DARS1: variants seen among roughly 807,000 people sequenced by gnomAD.
DARS1 encodes the protein aspartyl-tRNA synthetase 1.
DARS1 carries 51 observed loss-of-function variants against 68.8 expected under a neutral mutation model. That is an observed-to-expected ratio of 0.74 (90% CI 0.59 to 0.94). DARS1 has a LOEUF of 0.94. DARS1 is among the 40% of genes least tolerant of loss of function. DARS1 has a pLI of 0.00. For missense variants in DARS1, 607 were observed against 597.3 expected (o/e 1.02, Z -0.17); for synonymous variants, 203 against 190.4 (o/e 1.07, Z -0.55).
chr2:135,977,526 C>G (rs1419919144), intron 3 of DARS1, among the ~76,000 whole-genome samples: 2 of 152,128 alleles, frequency 1.3e-5, no homozygotes, highest in Non-Finnish European at 2.9e-5. Flanking sequence ...GGAAAAAGTG[C>G]CCCATTTGGA....
chr2:135,962,997 G>C (rs1682133536), intron 3 of DARS1, among the ~76,000 whole-genome samples: 1 of 152,172 alleles, frequency 6.6e-6, no homozygotes, highest in African/African-American at 2.4e-5. Context: ...GACAGAAGCA[G>C]CACCAACCTA....
intron 15 of DARS1, among the ~76,000 whole-genome samples, 163 bp from the exon 16 acceptor site, chr2:135,907,570 G>A (rs1310763593): frequency 6.6e-6 from 1 of 152,044 alleles, no homozygotes; most frequent in Non-Finnish European, 1.5e-5. Context: ...TTTGAGTATT[G>A]ATTCAGAAAT....
intron 2 of DARS1, among the ~76,000 whole-genome samples, chr2:135,983,007 G>A (rs1305533152): frequency 1.3e-5 from 2 of 152,180 alleles, no homozygotes; most frequent in Non-Finnish European, 2.9e-5. Context: ...GTAAAGTTGT[G>A]GGGGTTGGGG....
At chr2:135,922,993 GTTTATAC>G in intron 8 of DARS1, 75 bp from the exon 9 acceptor site, 10 of 1,298,970 alleles carry the variant, frequency 7.7e-6, no homozygotes, top group Non-Finnish European at 9.8e-6. Context: ...TAGTTAAAAA[GTTTATAC>G]TCAGGTAACT....
At chr2:135,908,525 C>A (rs567409798) in intron 15 of DARS1, among the ~76,000 whole-genome samples, 1 of 152,300 alleles carries the variant, frequency 6.6e-6, no homozygotes, top group African/African-American at 2.4e-5. Flanking sequence ...TTTAAAATTC[C>A]CACCAACAGT....
chr2:135,943,328 A>G, intron 5 of DARS1, 50 bp downstream of exon 5: 1 of 1,582,412 alleles, frequency 6.3e-7, no homozygotes, highest in African/African-American at 1.4e-5. Context: ...GAAAACTATT[A>G]GAACCCAAAT....
chr2:135,961,247 T>C, intron 4 of DARS1, 149 bp downstream of exon 4: 2 of 592,720 alleles, frequency 3.4e-6, no homozygotes, highest in South Asian at 4.1e-5. Context: ...AAGTTTAATG[T>C]ATTCAGCAAC....
chr2:135,976,650 C>A (rs1172501492), intron 3 of DARS1, among the ~76,000 whole-genome samples: 1 of 152,048 alleles, frequency 6.6e-6, no homozygotes, highest in African/African-American at 2.4e-5. Flanking sequence ...GAAGAACATT[C>A]TCAAATCCGA....
intron 10 of DARS1, among the ~76,000 whole-genome samples, chr2:135,917,441 T>C (rs1681029565): frequency 6.6e-6 from 1 of 152,218 alleles, no homozygotes; most frequent in Admixed American, 6.5e-5. Flanking sequence ...GTATTTTATA[T>C]ATAGAATTCT....
intron 7 of DARS1, among the ~76,000 whole-genome samples, chr2:135,925,853 G>T (rs1466259909): frequency 6.6e-6 from 1 of 152,186 alleles, no homozygotes; most frequent in East Asian, 1.9e-4. Context: ...CTGTTTCACT[G>T]TTACTGACAA....
chr2:135,968,201 T>C (rs1056209921), intron 3 of DARS1, among the ~76,000 whole-genome samples: 5 of 151,964 alleles, frequency 3.3e-5, no homozygotes, highest in South Asian at 2.1e-4. Context: ...CAGGTGGAGG[T>C]TGCAGTGAGT....
At chr2:135,941,698 A>G (rs1681600963) in intron 5 of DARS1, among the ~76,000 whole-genome samples, 1 of 151,546 alleles carries the variant, frequency 6.6e-6, no homozygotes, top group African/African-American at 2.4e-5. Flanking sequence ...ACAGCAAAAG[A>G]AACTACCATC....
intron 7 of DARS1, among the ~76,000 whole-genome samples, chr2:135,924,721 T>G (rs1473974648): frequency 6.6e-6 from 1 of 152,212 alleles, no homozygotes; most frequent in East Asian, 1.9e-4. Context: ...CCGGAAATCC[T>G]TAGTGAGCAG....
chr2:135,931,026 A>T (rs981683221), intron 7 of DARS1, among the ~76,000 whole-genome samples: 1 of 152,224 alleles, frequency 6.6e-6, no homozygotes, highest in African/African-American at 2.4e-5. Flanking sequence ...AAGTATTTTT[A>T]ATCAGGGCAC....
chr2:135,964,234 C>A (rs1001453859), intron 3 of DARS1, among the ~76,000 whole-genome samples: 2 of 152,112 alleles, frequency 1.3e-5, no homozygotes, highest in Admixed American at 6.5e-5. Flanking sequence ...AAAAAACCAC[C>A]AAAATGTGGC....
At chr2:135,961,588 G>A (rs1286478259) in intron 3 of DARS1, 90 bp from the exon 4 acceptor site, 1 of 786,774 alleles carries the variant, frequency 1.3e-6, no homozygotes, top group Non-Finnish European at 2.2e-6. Flanking sequence ...TTAAAAGTGG[G>A]CCAAAATTTA....
intron 5 of DARS1, among the ~76,000 whole-genome samples, chr2:135,935,114 G>A (rs1681439000): frequency 6.6e-6 from 1 of 152,026 alleles, no homozygotes; most frequent in Non-Finnish European, 1.5e-5. Context: ...ACAGCATTTG[G>A]CCAGCGCCAC....
At chr2:135,920,365 G>C in intron 10 of DARS1, 88 bp downstream of exon 10, 1 of 1,485,750 alleles carries the variant, frequency 6.7e-7, no homozygotes, top group South Asian at 1.4e-5. Flanking sequence ...AGAAACTTAA[G>C]TTTGTATGTT....
At chr2:135,934,069 A>AC in intron 5 of DARS1, 79 bp from the exon 6 acceptor site, 1 of 1,546,186 alleles carries the variant, frequency 6.5e-7, no homozygotes, top group Non-Finnish European at 8.8e-7. Flanking sequence ...TCTACAGTTG[A>AC]CTTAAGCATG....
Sources: gnomAD v4.1 joint callset for allele counts (sites outside exome capture counted in the v4.1 genomes callset) on GRCh38, gnomAD v4.1.1 for gene constraint, MANE v1.5 for transcripts, NCBI Gene and HGNC (gene_info 2026-07-23, HGNC 2026-07-21) for gene names.